Variants in AIG1 observed in about 807,000 individuals in gnomAD.
AIG1 encodes androgen induced 1, also known as androgen-induced gene 1 protein.
In AIG1, 23 loss-of-function variants were observed where a neutral mutation model predicts 31.4. The observed-to-expected ratio is 0.73, with a 90% CI of 0.53 to 1.04. The LOEUF is 1.04. Among genes scored for constraint, AIG1 ranks in the 50% least tolerant of loss-of-function variants. The pLI, the probability that AIG1 is intolerant of heterozygous loss-of-function variation, is 0.00. For missense variants in AIG1, 274 were observed against 295.0 expected (o/e 0.93, Z 0.52); for synonymous variants, 100 against 110.5 (o/e 0.90, Z 0.60).
intron 1 of AIG1, among the ~76,000 whole-genome samples, chr6:143,115,673 A>T (rs1583223235): frequency 1.3e-5 from 2 of 152,344 alleles, no homozygotes; most frequent in East Asian, 3.9e-4. Flanking sequence ...TGTGGCAGTT[A>T]AATAATATTC....
intron 4 of AIG1, among the ~76,000 whole-genome samples, chr6:143,323,886 A>G (rs896238498): frequency 2.2e-4 from 33 of 152,198 alleles, no homozygotes; most frequent in African/African-American, 7.0e-4. Context: ...TCTCCATGCA[A>G]TCAATACTCA....
In AIG1 at chr6:143,339,701, A is replaced by G; in HGVS notation, c.*25A>G. 4 of 1,612,016 alleles carry G rather than the reference A, an allele frequency of 2.5e-6. No homozygotes were observed. The highest frequency in any genetic ancestry group is 3.4e-6 in the Non-Finnish European group (4 of 1,178,928). ...AGATCCAAGTCTAAACGCAAGAGCT[A>G]GATTGAGCCGCCATTGAAGACTCCT... On this transcript the variant is annotated 3_prime_UTR_variant, in exon 6 of 6. Transcript: ENST00000357847.
At chr6:143,313,539 T>C (rs1327291046) in intron 4 of AIG1, among the ~76,000 whole-genome samples, 1 of 152,080 alleles carries the variant, frequency 6.6e-6, no homozygotes, top group Non-Finnish European at 1.5e-5. Flanking sequence ...AGTGGAAGGA[T>C]GGTTATCAGA....
chr6:143,081,850 G>A (rs1279632912), intron 1 of AIG1, among the ~76,000 whole-genome samples: 1 of 152,124 alleles, frequency 6.6e-6, no homozygotes, highest in African/African-American at 2.4e-5. Flanking sequence ...TTTCCCAGAG[G>A]GGATTACCCC....
chr6:143,097,945 AC>A (rs1280220754), intron 1 of AIG1, among the ~76,000 whole-genome samples: 1 of 151,824 alleles, frequency 6.6e-6, no homozygotes, highest in African/African-American at 2.4e-5. Flanking sequence ...CCTCATACCT[AC>A]TCGAGCATTT....
In AIG1 at chr6:143,284,257, G is replaced by A. The variant is rs1188322839; in HGVS notation, c.515+32G>A. ...ACCATGCCTGCTGGGCTTTCTTATT[G>A]TATTAGATTTTGCACTGCTAAATTT... On this transcript the variant is annotated intron_variant, in intron 4 of 5. Transcript: ENST00000357847. This position sits in a 1 kb window ranked among gnomAD's most constrained non-coding sequence, Gnocchi z 4.4. The A allele has an allele frequency of 3.9e-6, 6 of 1,523,456 alleles. No individual in the cohort carries two copies. Among genetic ancestry groups the A allele is most frequent in the Non-Finnish European group, 5.4e-6 (6 of 1,103,724 alleles). The allele number at this position is 1,523,456 out of a possible 1,614,324, so 94.4% of individuals were successfully genotyped here.
chr6:143,111,902 T>A (rs1405651315), intron 1 of AIG1, among the ~76,000 whole-genome samples: 1 of 152,158 alleles, frequency 6.6e-6, no homozygotes, highest in Non-Finnish European at 1.5e-5. Flanking sequence ...TTTTTTCTGT[T>A]CCCAAATAGC....
At chr6:143,342,897 C>T (rs1777884379), downstream of AIG1, 10 of 879,670 alleles carry the variant, frequency 1.1e-5, 1 homozygote, top group South Asian at 1.0e-4. Context: ...ATCATTTCTC[C>T]TTATTTCACA....
At chr6:143,260,831 T>C (rs1795721326) in intron 3 of AIG1, among the ~76,000 whole-genome samples, 1 of 152,228 alleles carries the variant, frequency 6.6e-6, no homozygotes, top group Admixed American at 6.5e-5. Context: ...ACCACTGGGC[T>C]TCCCATCCCA....
intron 2 of AIG1, among the ~76,000 whole-genome samples, chr6:143,143,528 A>AAAAAAAAAATATAGATATATAT (rs1554249782): frequency 3.6e-5 from 1 of 27,784 alleles, no homozygotes; most frequent in East Asian, 2.5e-3. Flanking sequence ...AAAAAAAAAA[A>AAAAAAAAAATATAGATATATAT]ATATATATAT....
chr6:143,118,544 T>C (rs1049990874), intron 1 of AIG1, among the ~76,000 whole-genome samples: 1 of 152,188 alleles, frequency 6.6e-6, no homozygotes, highest in Non-Finnish European at 1.5e-5. Context: ...TACCGAAAGA[T>C]TGGACTTAAG....
chr6:143,307,305 C>T (rs1799391113), intron 4 of AIG1, among the ~76,000 whole-genome samples: 1 of 152,140 alleles, frequency 6.6e-6, no homozygotes, highest in Admixed American at 6.6e-5. Context: ...AGTTTTTCTG[C>T]TGTTTTTTCC....
intron 1 of AIG1, among the ~76,000 whole-genome samples, chr6:143,105,953 G>C (rs780828714): frequency 6.6e-6 from 1 of 152,186 alleles, no homozygotes; most frequent in Non-Finnish European, 1.5e-5. Flanking sequence ...TAGTGAGCTC[G>C]TGTGCTTTTC....
At chr6:143,124,268 C>G (rs1184664304) in intron 1 of AIG1, among the ~76,000 whole-genome samples, 1 of 152,226 alleles carries the variant, frequency 6.6e-6, no homozygotes, top group East Asian at 1.9e-4. Context: ...AAGGGCCTCT[C>G]TTACTGTTTT....
intron 4 of AIG1, among the ~76,000 whole-genome samples, chr6:143,286,475 C>T (rs1797686614): frequency 6.6e-6 from 1 of 152,194 alleles, no homozygotes; most frequent in African/African-American, 2.4e-5. Flanking sequence ...GCATTCATAA[C>T]TGTGCCAAAT....
chr6:143,190,797 G>A lies in AIG1; in HGVS notation c.399+25614G>A, dbSNP rs75675567. On this transcript the variant is annotated intron_variant, in intron 3 of 5. Transcript: ENST00000357847. ...TATACTAGCACACATGTTTGAAAGC[G>A]ATATGATCCCCATTGAAAACTCTTT... Among the ~76,000 whole-genome samples the A allele has an allele frequency of 7.3e-3, 1,104 of 152,170 alleles. 11 individuals are homozygous for A. The highest frequency in any genetic ancestry group is 0.026 in the African/African-American group (1,065 of 41,512).
At chr6:143,296,684 A>T (rs1385029514) in intron 4 of AIG1, among the ~76,000 whole-genome samples, 1 of 152,220 alleles carries the variant, frequency 6.6e-6, no homozygotes, top group African/African-American at 2.4e-5. Flanking sequence ...TTATACCCCA[A>T]GAGTCAACAG....
chr6:143,249,877 G>A (rs956522059), intron 3 of AIG1, among the ~76,000 whole-genome samples: 2 of 152,138 alleles, frequency 1.3e-5, no homozygotes, highest in Admixed American at 6.5e-5. Context: ...GTGAATCAAG[G>A]AGGTCACCCT....
rs112576044 is a variant in AIG1, at chr6:143,124,188, A to G, written c.142-12647A>G. 3.1e-3 allele frequency among the ~76,000 whole-genome samples: 467 copies of G among 152,222 alleles called. 5 individuals are homozygous for G. The highest frequency in any genetic ancestry group is 0.011 in the African/African-American group (448 of 41,524). On this transcript the variant is annotated intron_variant, in intron 1 of 5. Coordinates refer to ENST00000357847, the MANE Select transcript of AIG1 (RefSeq NM_016108.4). ...CCTTAGCAGACTGGATTTTATGAGC[A>G]TTTCTCCTTCACAGAAAGGCCGATG... is the stretch of plus-strand genomic sequence containing the variant.
Sources: gnomAD v4.1 joint callset for allele counts (sites outside exome capture counted in the v4.1 genomes callset) on GRCh38, gnomAD v4.1.1 for gene constraint, Gnocchi (gnomAD v3.1) non-coding constraint, MANE v1.5 for transcripts, NCBI Gene and HGNC (gene_info 2026-07-23, HGNC 2026-07-21) for gene names.